BCAR1: variants seen among roughly 807,000 people sequenced by gnomAD.
BCAR1 encodes the protein BCAR1 scaffold protein, Cas family member.
A neutral mutation model predicts 67.6 loss-of-function variants in BCAR1; 30 were observed. That is an observed-to-expected ratio of 0.44 (90% CI 0.33 to 0.60). The LOEUF (loss-of-function observed/expected upper bound fraction) is 0.60. Among genes scored for constraint, BCAR1 ranks in the 20% least tolerant of loss-of-function variants. The pLI, the probability that BCAR1 is intolerant of heterozygous loss-of-function variation, is 0.02. For missense variants in BCAR1, 1,313 were observed against 1,222.3 expected, an observed-to-expected ratio of 1.07 and a Z score of -1.11; for synonymous variants, 626 against 556.7, an observed-to-expected ratio of 1.12 and a Z score of -1.75.
chr16:75,233,451 C>T (rs2076972336), intron 6 of BCAR1, among the ~76,000 whole-genome samples: 1 of 152,102 alleles, frequency 6.6e-6, no homozygotes, highest in African/African-American at 2.4e-5. Context: ...AAAGAATCCA[C>T]AAGAATGCTT....
At chr16:75,255,326 CGGAGGT>C (rs1026313347), upstream of BCAR1, among the ~76,000 whole-genome samples, 1 of 152,074 alleles carries the variant, frequency 6.6e-6, no homozygotes, top group African/African-American at 2.4e-5. Context: ...TTCCTGAGGC[CGGAGGT>C]GAGCACTGCC....
At chr16:75,248,285 C>A in intron 1 of BCAR1, 1 of 1,433,806 alleles carries the variant, frequency 7.0e-7, no homozygotes, top group Non-Finnish European at 9.1e-7. Context: ...TGCACCCGCC[C>A]CAGCACAGAG....
Position 75,233,831 on chromosome 16 carries a change from G to A in BCAR1, c.2100+15C>T, listed in dbSNP as rs1199505224. 1 of 1,590,242 alleles carries A rather than the reference G, an allele frequency of 6.3e-7. No homozygotes were observed. ...AGCGGGCAAAGCTGGGCCTTGCTCT[G>A]CTCCGGGGCCTCACCTGCTGCAACT... On this transcript the variant is annotated intron_variant, in intron 6 of 6. Coordinates refer to ENST00000162330, the MANE Select transcript of BCAR1 (RefSeq NM_014567.5).
chr16:75,237,220 G>T lies in BCAR1; in HGVS notation c.758C>A (p.Pro253Gln). ...PGPQDIYDVPPVRGLLPSQYG... is the reference protein window; with the variant it reads ...PGPQDIYDVPQVRGLLPSQYG... ...CTGGCTGGGAAGCAGCCCCCGAACC[G>T]GGGGCACATCATAGATGTCCTGTGG... is the stretch of plus-strand genomic sequence containing the variant. Residue 253 changes from proline to glutamine, a missense_variant, in exon 3 of 7, where the codon CCG becomes CAG. Coordinates refer to ENST00000162330, the MANE Select transcript of BCAR1 (RefSeq NM_014567.5). 6.4e-7 allele frequency: 1 copy of T among 1,566,472 alleles called. No individual in the cohort carries two copies. The highest frequency in any genetic ancestry group is 8.6e-7 in the Non-Finnish European group (1 of 1,158,414).
upstream of BCAR1, among the ~76,000 whole-genome samples, chr16:75,253,408 C>G (rs911980306): frequency 1.3e-5 from 2 of 152,152 alleles, no homozygotes; most frequent in Non-Finnish European, 2.9e-5. Context: ...CAGGGACGGG[C>G]AAGGACACAA....
rs1324543654 is a variant in BCAR1, at chr16:75,235,529, T to C, written c.1370A>G (p.Glu457Gly). ...AGPGREPLELEVAVEALARLQ... is the reference protein window; with the variant it reads ...AGPGREPLELGVAVEALARLQ... ...CCGTGCCAGGGCCTCCACAGCAACT[T>C]CCAGCTCCAGGGGTTCCCGGCCCGG... The change falls in exon 5 of 7, where the codon GAA becomes GGA. Residue 457 changes from glutamate to glycine, a missense_variant. By Grantham distance (98) the Glu-to-Gly change is moderately conservative. Coordinates refer to ENST00000162330, the MANE Select transcript of BCAR1 (RefSeq NM_014567.5). 1 of 1,595,522 alleles carries C rather than the reference T, an allele frequency of 6.3e-7. No homozygotes were observed. The highest frequency in any genetic ancestry group is 2.3e-5 in the East Asian group (1 of 43,956).
rs757321655 is a variant in BCAR1, at chr16:75,235,100, T to A, written c.1799A>T (p.Asn600Ile). 6 of 1,612,194 alleles carry A rather than the reference T, an allele frequency of 3.7e-6. No homozygotes were observed. The highest frequency in any genetic ancestry group is 5.1e-6 in the Non-Finnish European group (6 of 1,180,004). The change falls in exon 5 of 7, where the codon AAT (asparagine) becomes ATT (isoleucine). Residue 600 changes from asparagine (N) to isoleucine (I), a missense_variant. By Grantham distance (149) the Asn-to-Ile change is moderately radical. Around this residue, in one of 2 missense-constraint regions of BCAR1, gnomAD observed 1,272 missense variants for 1,137.5 expected, o/e 1.12. Coordinates refer to ENST00000162330, the MANE Select transcript of BCAR1 (RefSeq NM_014567.5). ...GGTCCGTCTGAAGAGCAGTGAGGCATTGCCGTGCAGGAAGGAGGCCAGCTG... is the reference window on the plus strand; with the variant it reads ...GGTCCGTCTGAAGAGCAGTGAGGCAATGCCGTGCAGGAAGGAGGCCAGCTG... ...AKQLASFLHG[N>I]ASLLFRRTKA... is the part of the protein sequence containing the mutation.
chr16:75,248,062 T>G (rs766346793), intron 1 of BCAR1: 8 of 1,551,618 alleles, frequency 5.2e-6, no homozygotes, highest in Non-Finnish European at 7.0e-6. Context: ...ACCTCCATCT[T>G]ACTAGACAGG....
In BCAR1 at chr16:75,267,788, A is replaced by G. The variant is rs2078029052; in HGVS notation, c.66+127T>C. 5.1e-6 allele frequency: 5 copies of G among 983,128 alleles called. No individual in the cohort carries two copies. In the South Asian group the frequency reaches 7.5e-5, roughly 15 times the overall value. 60.9% of individuals were successfully genotyped at this position (983,128 alleles called of 1,614,324 possible). ...AAAGGAGAGCCCAAGGGAGGGGCGC[A>G]GATGGAGCTGGACCCTCCAATCCAT... On this transcript the variant is annotated intron_variant, in intron 1 of 6. Transcript: ENST00000393422.
chr16:75,233,794 GC>G, intron 6 of BCAR1, 51 bp downstream of exon 6: 1 of 1,530,660 alleles, frequency 6.5e-7, no homozygotes, highest in Non-Finnish European at 8.8e-7. Context: ...AGAGCTGGGG[GC>G]TCAGGGGGTC....
intron 1 of BCAR1, chr16:75,266,127 C>T (rs1672072293): frequency 1.4e-5 from 11 of 785,816 alleles, no homozygotes; most frequent in African/African-American, 3.7e-5. Flanking sequence ...GTCTCCTCCG[C>T]TCCTCGCCGA....
At chr16:75,234,860 G>A (rs1445894343) in intron 5 of BCAR1, 29 bp downstream of exon 5, 5 of 1,516,662 alleles carry the variant, frequency 3.3e-6, no homozygotes, top group Non-Finnish European at 4.4e-6. Flanking sequence ...TGGCAGAAGA[G>A]GAGCCGGGGC....
At chr16:75,252,704 G>A (rs927929810), upstream of BCAR1, among the ~76,000 whole-genome samples, 2 of 152,210 alleles carry the variant, frequency 1.3e-5, no homozygotes, top group East Asian at 3.8e-4. Context: ...CCGGCTTCAC[G>A]CAGCAGAGAA....
Position 75,235,624 on chromosome 16 carries a change from C to G in BCAR1, c.1275G>C (p.Lys425Asn), listed in dbSNP as rs372593974. 1.2e-6 allele frequency: 2 copies of G among 1,604,320 alleles called. No individual in the cohort carries two copies. Among genetic ancestry groups the G allele is most frequent in the Admixed American group, 1.7e-5 (1 of 59,326 alleles). The change falls in exon 5 of 7, where the codon AAG (lysine) becomes AAC (asparagine). Residue 425 changes from lysine to asparagine, a missense_variant. Lys to Asn is a moderately conservative substitution (Grantham distance 94). Transcript: ENST00000162330. ...TGCCGGTGCTGGAGGCCGACAGGCG[C>G]TTGCCCTCTGCCGGGGCTTCACGTT... ...PAEREAPAEGKRLSASSTGST... is the reference protein window; with the variant it reads ...PAEREAPAEGNRLSASSTGST...
In BCAR1 at chr16:75,235,233, C is replaced by T. The variant is rs200831106; in HGVS notation, c.1666G>A (p.Val556Met). 2.4e-4 allele frequency: 384 copies of T among 1,606,996 alleles called. No individual in the cohort carries two copies. Among genetic ancestry groups the T allele is most frequent in the Non-Finnish European group, 3.0e-4 (351 of 1,176,016 alleles). ...QKMEDVHQTL[V>M]AHGQALDAGR... The stretch of plus-strand genomic sequence containing the variant: ...GCGTCGAGGGCCTGACCATGTGCCA[C>T]CAGCGTCTGGTGCACGTCCTCCATC... Residue 556 changes from valine (V) to methionine (M), a missense_variant, in exon 5 of 7, where the codon GTG (valine) becomes ATG (methionine). Physicochemically the swap from Val to Met is conservative, Grantham distance 21. This residue lies in a region of BCAR1 where 1,272 missense variants were observed against 1,137.5 expected (regional missense o/e 1.12). Transcript: ENST00000162330.
intron 5 of BCAR1, 123 bp from the exon 6 acceptor site, chr16:75,234,058 C>A (rs58383536): frequency 0.14 from 116,842 of 840,408 alleles, 9,231 homozygotes; most frequent in Middle Eastern, 0.2. Flanking sequence ...CGCGCACACA[C>A]ACGCACACGT....
At chr16:75,259,075 C>T (rs1306199633) in intron 1 of BCAR1, among the ~76,000 whole-genome samples, 1 of 152,246 alleles carries the variant, frequency 6.6e-6, no homozygotes, top group African/African-American at 2.4e-5. Flanking sequence ...TGGCGAAACA[C>T]AGATGACTCT....
At chr16:75,267,472 TGCCCGTGCCCACCCGCCCGCATCCA>T (rs2078025761) in intron 1 of BCAR1, among the ~76,000 whole-genome samples, 1 of 150,626 alleles carries the variant, frequency 6.6e-6, no homozygotes, top group African/African-American at 2.5e-5. Flanking sequence ...CACGTGGCCC[TGCCCGTGCCCACCCGCCCGCATCCA>T]GCTGGCACAG....
At chr16:75,260,726 T>TA (rs1181171151) in intron 1 of BCAR1, among the ~76,000 whole-genome samples, 1 of 139,116 alleles carries the variant, frequency 7.2e-6, no homozygotes, top group African/African-American at 2.6e-5. Flanking sequence ...TTTCGACTGG[T>TA]AAAAAATAAA....
Sources: allele counts gnomAD v4.1 joint callset (sites outside exome capture counted in the v4.1 genomes callset), GRCh38; gene constraint gnomAD v4.1.1; regional missense constraint gnomAD v4.1.1; transcripts MANE v1.5; gene names NCBI Gene and HGNC (gene_info 2026-07-23, HGNC 2026-07-21).